Variants in GTF2I observed in about 807,000 individuals in gnomAD.
The protein encoded by GTF2I is general transcription factor II-I.
A neutral mutation model predicts 67.6 loss-of-function variants in GTF2I; 12 were observed. That is an observed-to-expected ratio of 0.18 (90% confidence interval 0.11 to 0.29). GTF2I has a LOEUF of 0.29. Among genes scored for constraint, GTF2I ranks in the 10% least tolerant of loss-of-function variants. The pLI is 1.00. For synonymous variants in GTF2I, 149 were observed against 197.0 expected (o/e 0.76, Z 2.04); for missense variants, 271 against 580.1 (o/e 0.47, Z 5.47).
chr7:74,716,666 G>A, intron 10 of GTF2I: 3 of 438,928 alleles, frequency 6.8e-6, no homozygotes, highest in Admixed American at 3.6e-5. Flanking sequence ...ACCTACTTAG[G>A]TCTACTCTGT....
At chr7:74,704,903 A>G (rs1400017931) in intron 6 of GTF2I, among the ~76,000 whole-genome samples, 3 of 145,558 alleles carry the variant, frequency 2.1e-5, no homozygotes, top group Admixed American at 6.9e-5. Context: ...CATCATTTAT[A>G]TGTCAGCAGA....
intron 1 of GTF2I, among the ~76,000 whole-genome samples, chr7:74,667,581 T>C (rs1370953701): frequency 1.3e-5 from 2 of 151,502 alleles, no homozygotes; most frequent in African/African-American, 4.9e-5. Flanking sequence ...AGTGGTATGC[T>C]TTTGGCTCAC....
chr7:74,709,794 T>C (rs1791286980), intron 8 of GTF2I, among the ~76,000 whole-genome samples: 2 of 151,952 alleles, frequency 1.3e-5, no homozygotes, highest in South Asian at 4.1e-4. Context: ...TGCCTCAGCC[T>C]CTCGGGTAGC....
At chr7:74,658,430 G>T (rs1199421985) in intron 1 of GTF2I, among the ~76,000 whole-genome samples, 1 of 145,266 alleles carries the variant, frequency 6.9e-6, no homozygotes, top group Non-Finnish European at 1.5e-5. Context: ...CGCCTCGCGC[G>T]TGCGATCCCG....
intron 1 of GTF2I, among the ~76,000 whole-genome samples, chr7:74,683,865 A>G (rs1263688272): frequency 2.6e-5 from 4 of 152,144 alleles, no homozygotes; most frequent in Admixed American, 6.5e-5. Flanking sequence ...CACCAAAGAA[A>G]AAAAAAACTT....
chr7:74,669,258 T>A (rs1413776528), intron 1 of GTF2I, among the ~76,000 whole-genome samples: 3 of 132,428 alleles, frequency 2.3e-5, no homozygotes, highest in African/African-American at 8.6e-5. Context: ...TGAGACAGTC[T>A]CGCTCTGTCT....
At chr7:74,697,262 G>A (rs1789016558) in intron 3 of GTF2I, among the ~76,000 whole-genome samples, 1 of 151,978 alleles carries the variant, frequency 6.6e-6, no homozygotes, top group Non-Finnish European at 1.5e-5. Context: ...GGGAGTGGTG[G>A]CGCGCACCTG....
intron 8 of GTF2I, among the ~76,000 whole-genome samples, chr7:74,707,741 TC>T (rs1244767233): frequency 6.6e-6 from 1 of 152,206 alleles, no homozygotes; most frequent in Non-Finnish European, 1.5e-5. Flanking sequence ...TGCAAATGTT[TC>T]CCCTTAATTC....
chr7:74,733,768 G>A (rs1278805148), intron 15 of GTF2I, 155 bp from the exon 16 acceptor site: 6 of 204,884 alleles, frequency 2.9e-5, no homozygotes, highest in Admixed American at 1.9e-4. Flanking sequence ...TCCGTCTCAG[G>A]AAAAAAAAAA....
chr7:74,673,467 T>C (rs1805628194), intron 1 of GTF2I, among the ~76,000 whole-genome samples: 1 of 151,822 alleles, frequency 6.6e-6, no homozygotes, highest in Non-Finnish European at 1.5e-5. Flanking sequence ...CTGCAACCTC[T>C]GCCCCTCAGG....
intron 14 of GTF2I, among the ~76,000 whole-genome samples, 180 bp from the exon 15 acceptor site, chr7:74,732,298 CG>C (rs1794574824): frequency 6.6e-6 from 1 of 151,458 alleles, no homozygotes; most frequent in South Asian, 2.1e-4. Context: ...GGCGTGAGCC[CG>C]GGAGGCAGAG....
intron 13 of GTF2I, among the ~76,000 whole-genome samples, chr7:74,729,406 CGTA>C (rs1485235199): frequency 1.3e-5 from 2 of 151,966 alleles, no homozygotes; most frequent in Non-Finnish European, 2.9e-5. Context: ...TCTACTGTGT[CGTA>C]GTCACAATGA....
At chr7:74,674,478 T>C (rs993117480) in intron 1 of GTF2I, among the ~76,000 whole-genome samples, 4 of 152,208 alleles carry the variant, frequency 2.6e-5, no homozygotes, top group Admixed American at 6.6e-5. Flanking sequence ...GTTTTGGTGA[T>C]GGATGTCCTT....
Position 74,717,038 on chromosome 7 carries a change from T to C in GTF2I, c.880+88T>C, listed in dbSNP as rs1554403783. 5 of 1,501,514 alleles carry C rather than the reference T, an allele frequency of 3.3e-6. No individual in the cohort carries two copies. The Admixed American group carries it at 1.0e-4, about 31-fold the overall frequency. 93.0% of individuals were successfully genotyped at this position (1,501,514 alleles called of 1,614,324 possible). On this transcript the variant is annotated intron_variant, in intron 11 of 34. Transcript: ENST00000573035. ...ATTCTATTATCCTTAAAACACCTTATTTGGAAATAAAAGGTGATTCCCTTG... is the reference window on the plus strand; with the variant it reads ...ATTCTATTATCCTTAAAACACCTTACTTGGAAATAAAAGGTGATTCCCTTG...
intron 9 of GTF2I, among the ~76,000 whole-genome samples, chr7:74,712,676 G>A (rs1231906924): frequency 1.3e-5 from 2 of 148,790 alleles, no homozygotes; most frequent in Non-Finnish European, 3.0e-5. Flanking sequence ...TTTTGGCGTG[G>A]GGGTGGGGAT....
At chr7:74,670,699 CAAAAAAAAAACA>C (rs1805376147) in intron 1 of GTF2I, among the ~76,000 whole-genome samples, 1 of 91,032 alleles carries the variant, frequency 1.1e-5, no homozygotes, top group Admixed American at 1.1e-4. Context: ...CAAAAAAAAA[CAAAAAAAAAACA>C]AAAAAAAAAA....
intron 12 of GTF2I, among the ~76,000 whole-genome samples, chr7:74,723,872 A>G (rs1240442455): frequency 2.0e-5 from 3 of 151,334 alleles, no homozygotes; most frequent in East Asian, 1.9e-4. Flanking sequence ...AAAAAAGAGA[A>G]GACCTAGAGC....
intron 2 of GTF2I, 48 bp downstream of exon 2, chr7:74,689,275 T>C (rs782437641): frequency 1.0e-5 from 9 of 876,128 alleles, no homozygotes; most frequent in Admixed American, 4.4e-5. Flanking sequence ...GCCTGCACTG[T>C]AGATAAGGTT....
intron 10 of GTF2I, among the ~76,000 whole-genome samples, chr7:74,715,459 T>C (rs1217511033): frequency 6.6e-6 from 1 of 152,084 alleles, no homozygotes; most frequent in East Asian, 1.9e-4. Flanking sequence ...GTAAATGTAA[T>C]TGTTTATTTC....
Sources: allele counts gnomAD v4.1 joint callset (sites outside exome capture counted in the v4.1 genomes callset), GRCh38; gene constraint gnomAD v4.1.1; transcripts MANE v1.5; gene names NCBI Gene and HGNC (gene_info 2026-07-23, HGNC 2026-07-21).